Variants in TNRC6C observed in about 807,000 individuals in gnomAD.
TNRC6C encodes the protein trinucleotide repeat containing adaptor 6C.
A neutral mutation model predicts 153.7 loss-of-function variants in TNRC6C; 20 were observed. The ratio of observed to expected loss-of-function variants is 0.13; its 90% CI spans 0.09 to 0.19. TNRC6C has a LOEUF of 0.19. Ranked by LOEUF, TNRC6C falls within the 10% of genes least tolerant of loss-of-function variation. The pLI, the probability that TNRC6C is intolerant of heterozygous loss-of-function variation, is 1.00. For synonymous variants in TNRC6C, 811 were observed against 841.4 expected (o/e 0.96, Z 0.63); for missense variants, 1,987 against 2,172.0 (o/e 0.91, Z 1.69).
chr17:78,063,062 A>G (rs1567946165), intron 3 of TNRC6C, among the ~76,000 whole-genome samples: 1 of 152,038 alleles, frequency 6.6e-6, no homozygotes, highest in Admixed American at 6.6e-5. Context: ...CCTGGCCAAC[A>G]TGGTGAAACC....
intron 13 of TNRC6C, among the ~76,000 whole-genome samples, chr17:78,090,108 G>A (rs2073367449): frequency 6.6e-6 from 1 of 152,198 alleles, no homozygotes; most frequent in Non-Finnish European, 1.5e-5. Context: ...GGCTTGCAAA[G>A]GCGTTTTGTT....
At chr17:78,004,168 AG>A (rs941426812), upstream of TNRC6C, 11 of 1,231,606 alleles carry the variant, frequency 8.9e-6, no homozygotes, top group Non-Finnish European at 1.1e-5. Context: ...TGTATTTAAT[AG>A]GGAGAAAGAG....
intron 2 of TNRC6C, among the ~76,000 whole-genome samples, chr17:78,038,540 G>A (rs756359234): frequency 5.3e-4 from 80 of 151,930 alleles, no homozygotes; most frequent in Admixed American, 1.2e-3. Context: ...TTAGCCGGGC[G>A]TGGTGGCGGG....
Position 78,063,261 on chromosome 17 carries a change from ATATAAATAATATATATATATG to A in TNRC6C, c.2396-1455_2396-1435del, listed in dbSNP as rs1343937270. On this transcript the variant is annotated intron_variant, in intron 3 of 19. Coordinates refer to ENST00000301624, the Ensembl canonical transcript of TNRC6C. ...CTCTGTCTCCAAAATATATATATAT[ATATAAATAATATATATATATG>A]TATAATTTTAATTGTAAGGAGAAAG... 2.7e-5 allele frequency among the ~76,000 whole-genome samples: 4 copies of A among 148,270 alleles called. No homozygotes were observed. The East Asian group carries it at 7.8e-4, about 29-fold the overall frequency.
At chr17:78,091,687 C>G in intron 14 of TNRC6C, 80 bp downstream of exon 16, 1 of 1,273,264 alleles carries the variant, frequency 7.9e-7, no homozygotes, top group Non-Finnish European at 1.0e-6. Flanking sequence ...CATGGCCATT[C>G]TATACTTTTC....
rs58348772 is a variant in TNRC6C, at chr17:78,086,328, T to TAAAAAAAAAAA, written c.3478-153_3478-143dup. Among the ~76,000 whole-genome samples, 2 of 53,374 alleles carry TAAAAAAAAAAA rather than the reference T, an allele frequency of 3.7e-5. 1 individual carries two copies. The highest frequency in any genetic ancestry group is 8.5e-5 in the Non-Finnish European group (2 of 23,424). 35.0% of individuals were successfully genotyped at this position (53,374 alleles called of 152,430 possible). ...CTGGATGACAGAGCGAGACTCCATC[T>TAAAAAAAAAAA]AAAAAAAAAAAAAAAAAAAAAAAAA... On this transcript the variant is annotated intron_variant, in intron 11 of 19. Transcript: ENST00000301624.
chr17:78,053,904 A>T (rs1397861664), intron 3 of TNRC6C, among the ~76,000 whole-genome samples: 6 of 152,180 alleles, frequency 3.9e-5, no homozygotes, highest in Non-Finnish European at 5.9e-5. Context: ...GAACAGAATT[A>T]ATACAGTCAT....
intron 1 of TNRC6C, among the ~76,000 whole-genome samples, chr17:78,027,939 A>G (rs1195228825): frequency 7.2e-6 from 1 of 138,248 alleles, no homozygotes; most frequent in East Asian, 2.1e-4. Flanking sequence ...AGTCTCGCCC[A>G]GGCTGGAGTG....
intron 1 of TNRC6C, among the ~76,000 whole-genome samples, chr17:77,967,401 C>CGG (rs10711167): frequency 2.6e-4 from 39 of 151,188 alleles, no homozygotes; most frequent in South Asian, 1.7e-3. Context: ...ACAAGTCATG[C>CGG]GGGGGGGGAG....
At chr17:78,078,153 T>G (rs1363579601) in intron 9 of TNRC6C, among the ~76,000 whole-genome samples, 9 of 152,198 alleles carry the variant, frequency 5.9e-5, no homozygotes, top group Admixed American at 5.2e-4. Flanking sequence ...GACTGTGTGA[T>G]CCTGGCGATC....
chr17:78,071,423 C>CT (rs997063649), intron 6 of TNRC6C, among the ~76,000 whole-genome samples: 1,809 of 146,414 alleles, frequency 0.012, 32 homozygotes, highest in African/African-American at 0.042. Flanking sequence ...ATAGAAAATG[C>CT]TTTTTTTTTT....
At chr17:78,044,754 A>G (rs2072372337) in intron 2 of TNRC6C, among the ~76,000 whole-genome samples, 1 of 152,226 alleles carries the variant, frequency 6.6e-6, no homozygotes, top group Non-Finnish European at 1.5e-5. Flanking sequence ...TGTGACAGAG[A>G]CTATATGGCC....
intron 19 of TNRC6C, among the ~76,000 whole-genome samples, chr17:78,103,877 C>T (rs1172374853): frequency 2.0e-5 from 3 of 152,192 alleles, no homozygotes; most frequent in Non-Finnish European, 2.9e-5. Flanking sequence ...CATGTGACCT[C>T]ATCTAACTAA....
intron 1 of TNRC6C, among the ~76,000 whole-genome samples, chr17:77,992,385 C>T (rs2071264871): frequency 9.7e-6 from 1 of 103,046 alleles, no homozygotes; most frequent in Non-Finnish European, 1.8e-5. Flanking sequence ...GTAGTCCCAG[C>T]TACACAGGAG....
chr17:78,092,996 G>A lies in TNRC6C; in HGVS notation c.4034G>A (p.Gly1345Asp). Residue 1345 changes from glycine (G) to aspartate (D), a missense_variant, in exon 15 of 20, where the codon GGC becomes GAC. Physicochemically the swap from Gly to Asp is moderately conservative, Grantham distance 94. Transcript: ENST00000301624. ...AAGTCCTCCATTGATGACTCCTATG[G>A]CCGGTACGATTTAATCCAGAACAGT... The A allele has an allele frequency of 3.7e-6, 6 of 1,613,826 alleles. No homozygotes were observed. The highest frequency in any genetic ancestry group is 5.1e-6 in the Non-Finnish European group (6 of 1,179,890).
At chr17:78,002,381 A>C (rs756562489), upstream of TNRC6C, among the ~76,000 whole-genome samples, 8 of 152,118 alleles carry the variant, frequency 5.3e-5, no homozygotes, top group Non-Finnish European at 1.0e-4. Flanking sequence ...ATCTCATTTA[A>C]AGCCAGGACA....
At chr17:78,072,156 G>T (rs145013387) in intron 6 of TNRC6C, among the ~76,000 whole-genome samples, 464 of 152,340 alleles carry the variant, frequency 3.0e-3, no homozygotes, top group Middle Eastern at 6.8e-3. Flanking sequence ...CTCTGTATTG[G>T]GCAGGGCATT....
At chr17:78,010,706 A>T (rs1166461126) in intron 1 of TNRC6C, among the ~76,000 whole-genome samples, 2 of 152,120 alleles carry the variant, frequency 1.3e-5, no homozygotes, top group Non-Finnish European at 2.9e-5. Flanking sequence ...AATATTAGAT[A>T]TGTCTTTCTT....
intron 1 of TNRC6C, among the ~76,000 whole-genome samples, chr17:78,017,889 C>T (rs1245799938): frequency 1.3e-5 from 2 of 152,248 alleles, no homozygotes; most frequent in South Asian, 4.1e-4. Context: ...TACTCTACCT[C>T]GCTAACCCTG....
Sources: allele counts gnomAD v4.1 joint callset (sites outside exome capture counted in the v4.1 genomes callset), GRCh38; gene constraint gnomAD v4.1.1; transcripts MANE v1.5; gene names NCBI Gene and HGNC (gene_info 2026-07-23, HGNC 2026-07-21).